Variants in C1QTNF3 observed in about 807,000 individuals in gnomAD.
The protein encoded by C1QTNF3 is C1q and TNF related 3.
C1QTNF3 carries 26 observed loss-of-function variants against 32.6 expected under a neutral mutation model. The observed-to-expected ratio is 0.80, with a 90% CI of 0.58 to 1.11. The LOEUF (loss-of-function observed/expected upper bound fraction) is 1.11, where lower values mean the gene tolerates loss of function less well. C1QTNF3 is among the 50% of genes least tolerant of loss of function. The pLI, the probability that C1QTNF3 is intolerant of heterozygous loss-of-function variation, is 0.00. For synonymous variants in C1QTNF3, 155 were observed against 146.0 expected, an observed-to-expected ratio of 1.06 and a Z score of -0.44; for missense variants, 362 against 398.2, an observed-to-expected ratio of 0.91 and a Z score of 0.77.
the C1QTNF3 span, among the ~76,000 whole-genome samples, chr5:34,140,926 A>G: frequency 6.6e-6 from 1 of 152,246 alleles, no homozygotes; most frequent in Admixed American, 6.5e-5. Flanking sequence ...TCAATTATAA[A>G]TTCCTGACCT....
At chr5:34,065,338 C>T in the C1QTNF3 span, among the ~76,000 whole-genome samples, 177 of 152,184 alleles carry the variant, frequency 1.2e-3, 4 homozygotes, top group African/African-American at 4.3e-4. Context: ...CACAATAACA[C>T]GCCATCCCAC....
the C1QTNF3 span, among the ~76,000 whole-genome samples, chr5:34,157,150 C>T: frequency 3.3e-5 from 5 of 152,114 alleles, no homozygotes; most frequent in African/African-American, 1.2e-4. Flanking sequence ...ATATGAATGT[C>T]TTCTGTTTTC....
At chr5:34,157,364 C>G in the C1QTNF3 span, among the ~76,000 whole-genome samples, 2 of 152,100 alleles carry the variant, frequency 1.3e-5, no homozygotes, top group African/African-American at 4.8e-5. Flanking sequence ...GCAGTATGAA[C>G]AAAATCATTA....
chr5:34,160,854 T>C, the C1QTNF3 span, among the ~76,000 whole-genome samples: 252 of 151,632 alleles, frequency 1.7e-3, no homozygotes, highest in African/African-American at 5.7e-3. Flanking sequence ...AAGAATGCTA[T>C]GTGAAACAAA....
chr5:34,137,252 A>G, the C1QTNF3 span, among the ~76,000 whole-genome samples: 1 of 152,124 alleles, frequency 6.6e-6, no homozygotes, highest in African/African-American at 2.4e-5. Context: ...CATATGTTCA[A>G]GGTCTACTTA....
chr5:34,079,760 T>A, the C1QTNF3 span, among the ~76,000 whole-genome samples: 6 of 151,668 alleles, frequency 4.0e-5, no homozygotes, highest in African/African-American at 1.5e-4. Flanking sequence ...TAAAAGGCAG[T>A]AGCCAGGGAC....
chr5:34,225,127 T>C, the C1QTNF3 span, among the ~76,000 whole-genome samples: 4 of 152,032 alleles, frequency 2.6e-5, no homozygotes, highest in East Asian at 5.8e-4. Context: ...TGCCAAATCA[T>C]CACTAAATAG....
At chr5:34,065,645 C>G in the C1QTNF3 span, among the ~76,000 whole-genome samples, 1 of 148,532 alleles carries the variant, frequency 6.7e-6, no homozygotes, top group African/African-American at 2.5e-5. Context: ...CCAGCCTGGG[C>G]AACAAGAGGG....
At chr5:34,052,093 G>A in the C1QTNF3 span, among the ~76,000 whole-genome samples, 4 of 152,092 alleles carry the variant, frequency 2.6e-5, no homozygotes, top group African/African-American at 4.8e-5. Context: ...AGCCAAGTTC[G>A]CGCCACAGCA....
At chr5:34,107,910 C>T in the C1QTNF3 span, among the ~76,000 whole-genome samples, 1 of 152,032 alleles carries the variant, frequency 6.6e-6, no homozygotes, top group Non-Finnish European at 1.5e-5. Context: ...CTTTGAATTA[C>T]TACCACAAGA....
chr5:34,129,717 TC>T, the C1QTNF3 span, among the ~76,000 whole-genome samples: 2 of 151,930 alleles, frequency 1.3e-5, no homozygotes, highest in African/African-American at 4.8e-5. Context: ...GTAAAATTGA[TC>T]AATATAAATA....
chr5:34,127,548 A>G, the C1QTNF3 span, among the ~76,000 whole-genome samples: 1 of 151,778 alleles, frequency 6.6e-6, no homozygotes. Context: ...GTAAGCAGAA[A>G]GGCATTCAAG....
At chr5:34,120,723 A>G in the C1QTNF3 span, among the ~76,000 whole-genome samples, 5 of 152,340 alleles carry the variant, frequency 3.3e-5, no homozygotes, top group South Asian at 1.0e-3. Flanking sequence ...CATGTGAGAC[A>G]TGCCTTTCAC....
intron 1 of C1QTNF3, among the ~76,000 whole-genome samples, chr5:34,037,564 G>C (rs1754770830): frequency 6.6e-6 from 1 of 152,214 alleles, no homozygotes; most frequent in Non-Finnish European, 1.5e-5. Flanking sequence ...AGAATCTGTA[G>C]CACAAGCATT....
rs760918499 is a variant in C1QTNF3, at chr5:34,033,443, T to C, written c.431A>G (p.Asn144Ser). ...PPGIPGNHGN[N>S]GNNGATGHEG... ...ATGACCAGTGGCTCCATTGTTGCCA[T>C]TGTTTCCATGGTTTCCTTAAACAAC... Residue 144 changes from asparagine to serine, a missense_variant, in exon 3 of 6, where the codon AAT (asparagine) becomes AGT (serine). Asn to Ser is a conservative substitution (Grantham distance 46, BLOSUM62 1). Transcript: ENST00000382065. The C allele has an allele frequency of 5.3e-5, 85 of 1,614,062 alleles. 1 individual carries two copies. The highest frequency in any genetic ancestry group is 1.0e-5 in the Non-Finnish European group (12 of 1,180,026).
the C1QTNF3 span, chr5:34,164,645 G>A: frequency 6.6e-6 from 1 of 151,812 alleles, no homozygotes; most frequent in Non-Finnish European, 1.5e-5. Flanking sequence ...AAAAAGCAAG[G>A]AGTGCTCAAG....
the C1QTNF3 span, among the ~76,000 whole-genome samples, chr5:34,072,731 A>G: frequency 2.0e-5 from 3 of 152,196 alleles, no homozygotes; most frequent in Non-Finnish European, 2.9e-5. Context: ...GGTTGTTGCA[A>G]ATTTTTTTCC....
At chr5:34,130,857 T>C in the C1QTNF3 span, among the ~76,000 whole-genome samples, 3 of 152,222 alleles carry the variant, frequency 2.0e-5, no homozygotes, top group Non-Finnish European at 4.4e-5. Flanking sequence ...CCTCATATTC[T>C]GTGCTGGATG....
intron 5 of C1QTNF3, among the ~76,000 whole-genome samples, chr5:34,021,548 G>GT (rs1346857731): frequency 1.3e-5 from 2 of 152,188 alleles, no homozygotes; most frequent in East Asian, 3.8e-4. Context: ...TAAAGTTGAT[G>GT]TTTTTTCCTT....
Sources: gnomAD v4.1 joint callset for allele counts (sites outside exome capture counted in the v4.1 genomes callset) on GRCh38, gnomAD v4.1.1 for gene constraint, MANE v1.5 for transcripts, NCBI Gene and HGNC (gene_info 2026-07-23, HGNC 2026-07-21) for gene names.